The following BCL2L13 variants were observed in gnomAD, a reference collection of about 807,000 sequenced individuals.
BCL2L13 encodes BCL2 like 13, also known as bcl-2-like protein 13.
BCL2L13 carries 13 observed loss-of-function variants against 25.8 expected under a neutral mutation model. The ratio of observed to expected loss-of-function variants is 0.50; its 90% CI spans 0.33 to 0.80. The LOEUF is 0.80. BCL2L13 is among the 30% of genes least tolerant of loss of function. The pLI, the probability that BCL2L13 is intolerant of heterozygous loss-of-function variation, is 0.02. For missense variants in BCL2L13, 504 were observed against 574.9 expected (o/e 0.88, Z 1.26); for synonymous variants, 244 against 230.3 (o/e 1.06, Z -0.54).
At chr22:17,647,330 G>A (rs527650922) in intron 1 of BCL2L13, among the ~76,000 whole-genome samples, 5 of 151,964 alleles carry the variant, frequency 3.3e-5, no homozygotes, top group African/African-American at 9.6e-5. Flanking sequence ...GACTGGTCTC[G>A]AACTCCTGAC....
In BCL2L13 at chr22:17,638,815, C is replaced by T. The variant is rs930037510; in HGVS notation, c.-122C>T. The T allele has an allele frequency of 5.7e-6, 7 of 1,231,886 alleles. No homozygotes were observed. The Admixed American group carries it at 1.3e-4, about 22-fold the overall frequency. 76.3% of individuals were successfully genotyped at this position (1,231,886 alleles called of 1,614,324 possible). A position where few individuals can be genotyped will look rare whatever the true frequency, so the allele number is the denominator to read the frequency against. On this transcript the variant is annotated 5_prime_UTR_variant, in exon 1 of 7. Coordinates refer to ENST00000317582, the MANE Select transcript of BCL2L13 (RefSeq NM_015367.4). ...CCGCGGGTCGGAGCACTCACCGCCGCTGGGGGACCCTGTCGGAAGCAACTG... is the reference window on the plus strand; with the variant it reads ...CCGCGGGTCGGAGCACTCACCGCCGTTGGGGGACCCTGTCGGAAGCAACTG...
chr22:17,656,856 T>C (rs912194089), intron 2 of BCL2L13, among the ~76,000 whole-genome samples: 1 of 152,210 alleles, frequency 6.6e-6, no homozygotes, highest in East Asian at 1.9e-4. Context: ...TCTCACTCTG[T>C]TGCCCAGGCT....
chr22:17,697,250 C>G (rs2060292451), intron 5 of BCL2L13, among the ~76,000 whole-genome samples: 1 of 152,000 alleles, frequency 6.6e-6, no homozygotes, highest in Non-Finnish European at 1.5e-5. Context: ...ACCAGCCTGA[C>G]CAACGTGGAG....
rs1379323981 is a variant in BCL2L13, at chr22:17,730,307, CCTT to C, written c.*2776_*2778del. The C allele has an allele frequency of 6.6e-6, 1 of 152,174 alleles. No individual in the cohort carries two copies. Among genetic ancestry groups the C allele is most frequent in the Non-Finnish European group, 1.5e-5 (1 of 68,058 alleles). The allele number at this position is 152,174 out of a possible 1,614,324, so 9.4% of individuals were successfully genotyped here. A position where few individuals can be genotyped will look rare whatever the true frequency, so the allele number is the denominator to read the frequency against. The stretch of plus-strand genomic sequence containing the variant: ...CTAGATGAAGAAATGCAACTGTTGA[CCTT>C]CTGGTTCACCCATCTCCCCCTCGAG... On this transcript the variant is annotated 3_prime_UTR_variant, in exon 7 of 7. Coordinates refer to ENST00000317582, the MANE Select transcript of BCL2L13 (RefSeq NM_015367.4).
intron 2 of BCL2L13, among the ~76,000 whole-genome samples, chr22:17,680,877 T>G (rs1465982126): frequency 6.6e-6 from 1 of 152,168 alleles, no homozygotes; most frequent in Admixed American, 6.5e-5. Flanking sequence ...GGCAGGCTGC[T>G]GCCTATAGTT....
At chr22:17,630,224 A>AC (rs1555867960) in intron 1 of BCL2L13, among the ~76,000 whole-genome samples, 1 of 125,572 alleles carries the variant, frequency 8.0e-6, no homozygotes, top group South Asian at 2.2e-4. Context: ...TCTCAAAAAA[A>AC]CAAAAAAAAA....
At chr22:17,696,330 T>A in intron 5 of BCL2L13, 120 bp downstream of exon 5, 1 of 845,994 alleles carries the variant, frequency 1.2e-6, no homozygotes, top group Non-Finnish European at 1.9e-6. Context: ...TGCACAAATC[T>A]ATGTTAAGGG....
intron 2 of BCL2L13, among the ~76,000 whole-genome samples, chr22:17,665,113 T>G (rs764043325): frequency 5.9e-5 from 9 of 152,228 alleles, no homozygotes; most frequent in Admixed American, 1.3e-4. Context: ...TTCAAACTTT[T>G]ATGCTTTGCT....
chr22:17,651,231 C>T (rs1377467786), intron 1 of BCL2L13, among the ~76,000 whole-genome samples: 3 of 151,678 alleles, frequency 2.0e-5, no homozygotes, highest in South Asian at 4.2e-4. Context: ...AACTCCTGAC[C>T]TCGTGATCTA....
intron 3 of BCL2L13, among the ~76,000 whole-genome samples, chr22:17,685,001 C>G (rs1421551951): frequency 5.3e-5 from 8 of 152,088 alleles, no homozygotes; most frequent in Admixed American, 5.2e-4. Context: ...TCCCAAAGTG[C>G]TGGGATTACA....
intron 3 of BCL2L13, among the ~76,000 whole-genome samples, chr22:17,686,919 A>T (rs1214346717): frequency 6.6e-6 from 1 of 152,228 alleles, no homozygotes; most frequent in Non-Finnish European, 1.5e-5. Flanking sequence ...AGAAAGAAGA[A>T]GAGAGTAACA....
At chr22:17,648,383 A>G (rs141115592) in intron 1 of BCL2L13, among the ~76,000 whole-genome samples, 5 of 152,112 alleles carry the variant, frequency 3.3e-5, no homozygotes, top group Middle Eastern at 3.4e-3. Context: ...GCATTGCTAC[A>G]CAACTGGAAG....
Position 17,685,566 on chromosome 22 carries a change from G to A in BCL2L13, c.229+2245G>A, listed in dbSNP as rs184141451. Among the ~76,000 whole-genome samples the A allele has an allele frequency of 2.0e-3, 299 of 152,032 alleles. 5 individuals carry two copies. The highest frequency in any genetic ancestry group is 2.8e-4 in the Non-Finnish European group (19 of 67,982). ...TCAAGGGTCATCCATGTTGTAGCAT[G>A]TATCAGTACTTCATTACTTTTTACA... On this transcript the variant is annotated intron_variant, in intron 3 of 6. Transcript: ENST00000317582.
At chr22:17,652,235 G>A (rs73376775) in intron 1 of BCL2L13, among the ~76,000 whole-genome samples, 7,947 of 151,554 alleles carry the variant, frequency 0.052, 336 homozygotes, top group African/African-American at 0.12. Context: ...ATGGGATTTC[G>A]CCATGTTGCC....
intron 6 of BCL2L13, chr22:17,703,166 T>TACACACACACACACACACAC (rs1306835928): frequency 9.3e-5 from 12 of 128,594 alleles, no homozygotes; most frequent in African/African-American, 4.2e-4. Flanking sequence ...CAACAAAATA[T>TACACACACACACACACACAC]ATATATACAC....
chr22:17,680,511 C>CAAAAAAAAAAA (rs770410371), intron 2 of BCL2L13, among the ~76,000 whole-genome samples: 12 of 13,346 alleles, frequency 9.0e-4, no homozygotes, highest in African/African-American at 3.3e-3. Flanking sequence ...GACTCTGTCT[C>CAAAAAAAAAAA]AAAAAAAAAA....
chr22:17,726,697 G>A lies in BCL2L13; in HGVS notation c.621G>A (p.Glu207=). 6.2e-7 allele frequency: 1 copy of A among 1,613,972 alleles called. No homozygotes were observed. Among genetic ancestry groups the A allele is most frequent in the Non-Finnish European group, 8.5e-7 (1 of 1,179,900 alleles). The change falls in exon 7 of 7, where the codon GAG becomes GAA. Residue 207 remains glutamate, a synonymous_variant. Transcript: ENST00000317582. ...TCTAGGGCACTGTGTTTAGTCTTGA[G>A]TCAGAGGAGGAGGAATACCCTGGAA... ...QGGWGTVFSL[E]SEEEEYPGIT...
intron 2 of BCL2L13, among the ~76,000 whole-genome samples, chr22:17,660,523 G>A (rs563818226): frequency 1.4e-5 from 2 of 145,718 alleles, no homozygotes; most frequent in East Asian, 3.9e-4. Flanking sequence ...GGGCTCAGTC[G>A]ATTCTCCTGC....
rs117061762 is a variant in BCL2L13, at chr22:17,720,766, T to C, written c.601-5911T>C. 4.8e-4 allele frequency among the ~76,000 whole-genome samples: 73 copies of C among 151,978 alleles called. 2 individuals are homozygous for C. In the East Asian group the frequency reaches 0.013, roughly 27 times the overall value. ...ATCCTCTCTCCTTTGCCTTCCAAAA[T>C]GTTGGGATTATAGGTGTGAGCCACT... On this transcript the variant is annotated intron_variant, in intron 6 of 6. Coordinates refer to ENST00000317582, the MANE Select transcript of BCL2L13 (RefSeq NM_015367.4).
Sources: allele counts gnomAD v4.1 joint callset (sites outside exome capture counted in the v4.1 genomes callset), GRCh38; gene constraint gnomAD v4.1.1; transcripts MANE v1.5; gene names NCBI Gene and HGNC (gene_info 2026-07-23, HGNC 2026-07-21).